The following PTPRT variants were observed in gnomAD, a reference collection of about 807,000 sequenced individuals.
The protein encoded by PTPRT is protein tyrosine phosphatase receptor type T, also known as receptor-type tyrosine-protein phosphatase T.
In PTPRT, 56 loss-of-function variants were observed where a neutral mutation model predicts 176.8. The ratio of observed to expected loss-of-function variants is 0.32; its 90% CI spans 0.26 to 0.40. The LOEUF is 0.40. Ranked by LOEUF, PTPRT falls within the 10% of genes least tolerant of loss-of-function variation. The probability of loss-of-function intolerance (pLI) is 1.00; values close to 1 mark genes in which losing one functional copy is unlikely to be tolerated. For missense variants in PTPRT, 1,540 were observed against 1,908.2 expected, an observed-to-expected ratio of 0.81 and a Z score of 3.60; for synonymous variants, 783 against 739.0, an observed-to-expected ratio of 1.06 and a Z score of -0.96.
At chr20:42,928,148 T>C (rs1489800554) in intron 1 of PTPRT, among the ~76,000 whole-genome samples, 3 of 152,228 alleles carry the variant, frequency 2.0e-5, no homozygotes, top group Admixed American at 2.0e-4. Flanking sequence ...ACTCGATTAA[T>C]CTAAACCCAA....
At chr20:43,000,420 G>C (rs897138189) in intron 1 of PTPRT, among the ~76,000 whole-genome samples, 3 of 151,698 alleles carry the variant, frequency 2.0e-5, no homozygotes, top group Admixed American at 2.0e-4. Context: ...GAAGTAAATA[G>C]ATTTTTAAGT....
chr20:42,107,490 A>G (rs746181870), intron 23 of PTPRT, among the ~76,000 whole-genome samples: 1 of 152,258 alleles, frequency 6.6e-6, no homozygotes, highest in Non-Finnish European at 1.5e-5. Context: ...TTCTTGATAC[A>G]TACTTACTTG....
At chr20:43,056,072 A>C (rs185402508) in intron 1 of PTPRT, among the ~76,000 whole-genome samples, 1 of 152,220 alleles carries the variant, frequency 6.6e-6, no homozygotes, top group Non-Finnish European at 1.5e-5. Flanking sequence ...CAGAGAGGAA[A>C]TGATTTGTCT....
At chr20:42,265,155 A>C (rs2056817947) in intron 13 of PTPRT, among the ~76,000 whole-genome samples, 2 of 152,214 alleles carry the variant, frequency 1.3e-5, no homozygotes, top group Non-Finnish European at 2.9e-5. Context: ...AAAGCCTCTC[A>C]GATAGTAAAT....
chr20:42,363,777 G>C (rs6065466), intron 9 of PTPRT, among the ~76,000 whole-genome samples: 1 of 151,900 alleles, frequency 6.6e-6, no homozygotes, highest in South Asian at 2.1e-4. Context: ...AGACTTAAGG[G>C]GAGCAACTTC....
chr20:42,138,508 A>G (rs950761966), intron 18 of PTPRT, among the ~76,000 whole-genome samples: 16 of 152,318 alleles, frequency 1.1e-4, no homozygotes, highest in South Asian at 6.2e-4. Flanking sequence ...ACCTTTATAA[A>G]GAACTGATCC....
In PTPRT at chr20:42,161,433, G is replaced by A. The variant is rs749006315; in HGVS notation, c.2601C>T (p.Pro867=). 2.2e-5 allele frequency: 36 copies of A among 1,614,046 alleles called. No homozygotes were observed. The highest frequency in any genetic ancestry group is 3.3e-5 in the Admixed American group (2 of 60,002). ...GCAGCAAGTCAGCCACCCGGATGGC[G>A]GGTTGGAACTGGTCCCGGGGGTAGC... ...EMSYPRDQFQ[P]AIRVADLLQH... is the part of the protein sequence containing the mutation. Residue 867 remains proline (P), a synonymous_variant, in exon 17 of 31, where the codon CCC becomes CCT. Coordinates refer to ENST00000373187, the MANE Select transcript of PTPRT (RefSeq NM_007050.6).
intron 18 of PTPRT, among the ~76,000 whole-genome samples, chr20:42,133,499 A>G (rs1488413819): frequency 6.6e-6 from 1 of 152,184 alleles, no homozygotes; most frequent in Non-Finnish European, 1.5e-5. Flanking sequence ...AAAACTCTAG[A>G]CACAGGAGAA....
chr20:43,045,924 A>C (rs1278622323), intron 1 of PTPRT, among the ~76,000 whole-genome samples: 1 of 152,186 alleles, frequency 6.6e-6, no homozygotes, highest in Non-Finnish European at 1.5e-5. Flanking sequence ...ATGTCTACTG[A>C]GCCAAAACTT....
At chr20:43,169,909 A>G (rs945319181) in intron 1 of PTPRT, among the ~76,000 whole-genome samples, 1 of 152,062 alleles carries the variant, frequency 6.6e-6, no homozygotes, top group Non-Finnish European at 1.5e-5. Context: ...AAAAAACAAG[A>G]GCTTTGTGTG....
intron 7 of PTPRT, among the ~76,000 whole-genome samples, chr20:42,601,580 G>A (rs544655886): frequency 6.6e-6 from 1 of 152,264 alleles, no homozygotes; most frequent in South Asian, 2.1e-4. Flanking sequence ...CTTTTTACAT[G>A]TTACCTCCAT....
chr20:43,089,228 A>G (rs891413543), intron 1 of PTPRT, among the ~76,000 whole-genome samples: 5 of 152,232 alleles, frequency 3.3e-5, no homozygotes, highest in African/African-American at 1.2e-4. Context: ...ACCACCAGCT[A>G]GTACATGCTT....
intron 6 of PTPRT, among the ~76,000 whole-genome samples, chr20:42,726,094 T>TTAC (rs1416310531): frequency 6.7e-6 from 1 of 149,280 alleles, no homozygotes; most frequent in Non-Finnish European, 1.5e-5. Context: ...ATTATTATTA[T>TTAC]TATAGACTGA....
At chr20:42,941,774 G>A (rs1377245789) in intron 1 of PTPRT, among the ~76,000 whole-genome samples, 2 of 152,142 alleles carry the variant, frequency 1.3e-5, no homozygotes, top group African/African-American at 4.8e-5. Flanking sequence ...CTTGAGGTTA[G>A]GAAAGGAACT....
intron 9 of PTPRT, among the ~76,000 whole-genome samples, chr20:42,406,118 C>A (rs924666689): frequency 6.6e-6 from 1 of 151,674 alleles, no homozygotes; most frequent in African/African-American, 2.4e-5. Flanking sequence ...AGCATTTCAA[C>A]ATTACAAATT....
At chr20:43,132,132 T>C (rs1417789968) in intron 1 of PTPRT, among the ~76,000 whole-genome samples, 1 of 152,126 alleles carries the variant, frequency 6.6e-6, no homozygotes, top group Non-Finnish European at 1.5e-5. Flanking sequence ...ATTATCACCA[T>C]TGTTACTGAA....
intron 2 of PTPRT, among the ~76,000 whole-genome samples, chr20:42,828,839 C>T (rs1198694494): frequency 6.6e-6 from 1 of 152,154 alleles, no homozygotes; most frequent in Non-Finnish European, 1.5e-5. Context: ...TAGAAGTTTG[C>T]TGCAGTAGTG....
At chr20:42,377,753 C>A (rs1038094468) in intron 9 of PTPRT, among the ~76,000 whole-genome samples, 1 of 152,102 alleles carries the variant, frequency 6.6e-6, no homozygotes, top group Non-Finnish European at 1.5e-5. Context: ...AGCCTCAGTT[C>A]GCCACCTCTG....
chr20:42,638,657 T>A (rs1600524569), intron 7 of PTPRT, among the ~76,000 whole-genome samples: 1 of 152,160 alleles, frequency 6.6e-6, no homozygotes, highest in African/African-American at 2.4e-5. Context: ...AAATACATAC[T>A]CAAGCCACAA....
Sources: allele counts gnomAD v4.1 joint callset (sites outside exome capture counted in the v4.1 genomes callset), GRCh38; gene constraint gnomAD v4.1.1; transcripts MANE v1.5; gene names NCBI Gene and HGNC (gene_info 2026-07-23, HGNC 2026-07-21).